INTS4: variants seen among roughly 807,000 people sequenced by gnomAD.
INTS4 encodes the protein MSTP093.
INTS4 carries 70 observed loss-of-function variants against 119.5 expected under a neutral mutation model. The observed-to-expected ratio is 0.59, with a 90% confidence interval of 0.48 to 0.71. The LOEUF (loss-of-function observed/expected upper bound fraction) is 0.71. INTS4 is among the 30% of genes least tolerant of loss of function. The probability of loss-of-function intolerance (pLI) is 0.00; values close to 1 mark genes in which losing one functional copy is unlikely to be tolerated. For missense variants in INTS4, 867 were observed against 1,173.2 expected, an observed-to-expected ratio of 0.74 and a Z score of 3.81; for synonymous variants, 316 against 419.6, an observed-to-expected ratio of 0.75 and a Z score of 3.02.
intron 18 of INTS4, among the ~76,000 whole-genome samples, chr11:77,900,307 G>A (rs12794569): frequency 1.1e-4 from 16 of 152,030 alleles, no homozygotes; most frequent in Admixed American, 2.0e-4. Context: ...CACCATGTTA[G>A]CCAGGATGCT....
intron 21 of INTS4, among the ~76,000 whole-genome samples, chr11:77,890,384 T>A (rs1176841640): frequency 6.6e-6 from 1 of 152,108 alleles, no homozygotes; most frequent in East Asian, 1.9e-4. Context: ...CTTATTGTAC[T>A]TCCTGCCAGT....
rs10687244 is a variant in INTS4, at chr11:77,883,075, A to AAATAATAAT, written c.2713+748_2713+756dup. Among the ~76,000 whole-genome samples the AAATAATAAT allele has an allele frequency of 5.4e-3, 798 of 148,312 alleles. 2 individuals carry two copies. The highest frequency in any genetic ancestry group is 6.9e-3 in the African/African-American group (278 of 40,188). ...TGGGCAAGAGCAAGACTCCGTCTCA[A>AAATAATAAT]AATAATAATAATAATAATAATAATA... is the stretch of plus-strand genomic sequence containing the variant. On this transcript the variant is annotated intron_variant, in intron 22 of 22. Transcript: ENST00000534064.
chr11:77,944,328 C>T (rs1287374048), intron 8 of INTS4, among the ~76,000 whole-genome samples: 2 of 152,152 alleles, frequency 1.3e-5, no homozygotes, highest in Non-Finnish European at 2.9e-5. Context: ...ACATTACCCC[C>T]GCAACTAGAA....
At chr11:77,979,189 G>T in intron 3 of INTS4, 87 bp from the exon 4 acceptor site, 1 of 737,344 alleles carries the variant, frequency 1.4e-6, no homozygotes. Context: ...AATGTAGATT[G>T]GCTAGGCGCA....
chr11:77,923,284 T>A (rs1307410097), intron 12 of INTS4, among the ~76,000 whole-genome samples: 1 of 119,280 alleles, frequency 8.4e-6, no homozygotes, highest in African/African-American at 3.4e-5. Flanking sequence ...GCCAATGCAC[T>A]CCACCCTGGC....
At chr11:77,919,246 G>A (rs955716596) in intron 14 of INTS4, among the ~76,000 whole-genome samples, 6 of 151,766 alleles carry the variant, frequency 4.0e-5, no homozygotes, top group African/African-American at 1.5e-4. Flanking sequence ...ATTGCTAACT[G>A]AAATAAATGG....
chr11:77,948,532 C>A (rs972678025), intron 8 of INTS4, among the ~76,000 whole-genome samples: 1 of 151,452 alleles, frequency 6.6e-6, no homozygotes, highest in Non-Finnish European at 1.5e-5. Context: ...CCTGTAATCC[C>A]GGTACTGGGG....
chr11:77,951,250 T>G (rs1251059157), intron 8 of INTS4, among the ~76,000 whole-genome samples: 2 of 152,152 alleles, frequency 1.3e-5, no homozygotes, highest in Non-Finnish European at 2.9e-5. Context: ...GTAATGGGAT[T>G]GCTGGGTCAA....
chr11:77,967,000 CT>C (rs971493479), intron 4 of INTS4, among the ~76,000 whole-genome samples: 9 of 151,664 alleles, frequency 5.9e-5, no homozygotes, highest in African/African-American at 1.5e-4. Context: ...CTTGCCAATA[CT>C]TTTTTTTTCT....
intron 8 of INTS4, among the ~76,000 whole-genome samples, chr11:77,951,456 C>T (rs586363): frequency 0.58 from 88,144 of 151,880 alleles, 25,814 homozygotes; most frequent in African/African-American, 0.61. Context: ...AACTGGCTAG[C>T]CATATGTAGA....
At position 77,973,240 on chromosome 11, in the gene INTS4, T is replaced by G. The variant is rs758344194; in HGVS notation, c.471+5756A>C. Among the ~76,000 whole-genome samples, 22 of 152,244 alleles carry G rather than the reference T, an allele frequency of 1.4e-4. 1 individual carries two copies. Among genetic ancestry groups the G allele is most frequent in the Non-Finnish European group, 2.6e-4 (18 of 68,038 alleles). ...AGTGTATATAAATACAATTTATATT[T>G]TGTATGCTGATTTTGTATCCTGCAA... On this transcript the variant is annotated intron_variant, in intron 4 of 22. Coordinates refer to ENST00000534064, the MANE Select transcript of INTS4 (RefSeq NM_033547.4).
chr11:77,920,186 C>CAT (rs1458230877), intron 14 of INTS4, among the ~76,000 whole-genome samples: 2 of 145,068 alleles, frequency 1.4e-5, no homozygotes, highest in African/African-American at 2.7e-5. Flanking sequence ...TACATATACA[C>CAT]ATATATATAC....
intron 22 of INTS4, among the ~76,000 whole-genome samples, 192 bp downstream of exon 22, chr11:77,883,640 A>G (rs1014822347): frequency 6.6e-6 from 1 of 152,180 alleles, no homozygotes; most frequent in African/African-American, 2.4e-5. Flanking sequence ...CAATCAAAGC[A>G]CTGTAGCAAA....
chr11:77,875,609 C>G (rs1951573467), downstream of INTS4, among the ~76,000 whole-genome samples: 1 of 152,170 alleles, frequency 6.6e-6, no homozygotes, highest in Admixed American at 6.5e-5. Context: ...TATTCCTTTA[C>G]TTTTCCTGCC....
intron 1 of INTS4, 51 bp from the exon 2 acceptor site, chr11:77,991,350 G>T: frequency 7.0e-7 from 1 of 1,422,480 alleles, no homozygotes; most frequent in Non-Finnish European, 9.9e-7. Flanking sequence ...ATTTAACTTT[G>T]CCTCATTTGG....
At chr11:77,960,435 C>A in intron 5 of INTS4, 44 bp from the exon 6 acceptor site, 1 of 1,305,542 alleles carries the variant, frequency 7.7e-7, no homozygotes, top group Non-Finnish European at 1.1e-6. Context: ...AGGAAAAGAG[C>A]AATATTTCCA....
intron 1 of INTS4, among the ~76,000 whole-genome samples, chr11:77,993,271 G>A (rs1165589222): frequency 6.6e-6 from 1 of 152,196 alleles, no homozygotes; most frequent in Non-Finnish European, 1.5e-5. Context: ...AAATAGATTA[G>A]TACCACAGAA....
At chr11:77,894,244 C>T in intron 19 of INTS4, 46 bp downstream of exon 19, 1 of 1,006,168 alleles carries the variant, frequency 9.9e-7, no homozygotes, top group South Asian at 1.4e-5. Context: ...TGCTATACTC[C>T]ATGTAACCAA....
chr11:77,921,426 T>C lies in INTS4; in HGVS notation c.1678A>G (p.Thr560Ala), dbSNP rs1212524348. The C allele has an allele frequency of 6.2e-7, 1 of 1,609,594 alleles. No homozygotes were observed. Among genetic ancestry groups the C allele is most frequent in the Non-Finnish European group, 8.5e-7 (1 of 1,175,986 alleles). The change falls in exon 14 of 23, where the codon ACA (threonine) becomes GCA (alanine). Residue 560 changes from threonine (T) to alanine (A), a missense_variant. Thr to Ala is a moderately conservative substitution (Grantham distance 58). Coordinates refer to ENST00000534064, the MANE Select transcript of INTS4 (RefSeq NM_033547.4). ...TGATCTGAGAACAATGCTGGCATTG[T>C]TGGACAGGTTTTAGCAGCATTGAAA... ...LIFNAAKTCPTMPALFSDHTF... is the reference protein window; with the variant it reads ...LIFNAAKTCPAMPALFSDHTF...
Sources: allele counts gnomAD v4.1 joint callset (sites outside exome capture counted in the v4.1 genomes callset), GRCh38; gene constraint gnomAD v4.1.1; transcripts MANE v1.5; gene names NCBI Gene and HGNC (gene_info 2026-07-23, HGNC 2026-07-21).